The following STAG1 variants were observed in gnomAD, a reference collection of about 807,000 sequenced individuals.
STAG1 encodes the protein STAG1 cohesin complex component.
In STAG1, 26 loss-of-function variants were observed where a neutral mutation model predicts 170.9. The observed-to-expected ratio is 0.15, with a 90% CI of 0.11 to 0.21. The LOEUF (loss-of-function observed/expected upper bound fraction) is 0.21. STAG1 is among the 10% of genes least tolerant of loss of function. The pLI, the probability that STAG1 is intolerant of heterozygous loss-of-function variation, is 1.00. For synonymous variants in STAG1, 514 were observed against 497.7 expected (o/e 1.03, Z -0.44); for missense variants, 964 against 1,509.5 (o/e 0.64, Z 5.99).
chr3:136,575,323 C>T (rs979688694), intron 4 of STAG1, among the ~76,000 whole-genome samples: 10 of 152,176 alleles, frequency 6.6e-5, no homozygotes, highest in Non-Finnish European at 1.5e-4. Context: ...CTCCCAGGCT[C>T]AAGCTATCCT....
At chr3:136,652,797 G>T (rs1941259089) in intron 1 of STAG1, among the ~76,000 whole-genome samples, 1 of 152,132 alleles carries the variant, frequency 6.6e-6, no homozygotes, top group Admixed American at 6.5e-5. Flanking sequence ...AATACCTCAA[G>T]AATAGGGTTT....
At chr3:136,443,705 G>A (rs1212199910) in intron 14 of STAG1, among the ~76,000 whole-genome samples, 5 of 152,124 alleles carry the variant, frequency 3.3e-5, no homozygotes, top group Non-Finnish European at 7.4e-5. Flanking sequence ...TTATATGCTG[G>A]ATCTAGGTCA....
chr3:136,523,986 T>C (rs1434008383), intron 6 of STAG1, among the ~76,000 whole-genome samples: 1 of 152,184 alleles, frequency 6.6e-6, no homozygotes, highest in East Asian at 1.9e-4. Flanking sequence ...CATGCTGTTT[T>C]GGTTACTGTA....
chr3:136,419,536 C>A (rs1394282564), intron 20 of STAG1, among the ~76,000 whole-genome samples: 1 of 151,844 alleles, frequency 6.6e-6, no homozygotes, highest in African/African-American at 2.4e-5. Flanking sequence ...TCTCTGCCTC[C>A]TGGGTTCAAG....
At chr3:136,347,627 C>T (rs919789484) in intron 29 of STAG1, among the ~76,000 whole-genome samples, 1 of 151,960 alleles carries the variant, frequency 6.6e-6, no homozygotes, top group African/African-American at 2.4e-5. Context: ...AATATAGATG[C>T]TTTGAGCTGG....
intron 13 of STAG1, among the ~76,000 whole-genome samples, chr3:136,462,658 A>G: frequency 1.3e-5 from 2 of 152,324 alleles, no homozygotes; most frequent in Middle Eastern, 3.4e-3. Context: ...AATATTTATT[A>G]ATAGAAGATT....
intron 12 of STAG1, among the ~76,000 whole-genome samples, chr3:136,471,893 A>G (rs957161692): frequency 6.6e-6 from 1 of 152,174 alleles, no homozygotes. Flanking sequence ...GCTGGAATGC[A>G]GTGGCTCCAT....
intron 9 of STAG1, among the ~76,000 whole-genome samples, chr3:136,496,554 T>TG (rs1246422376): frequency 4.6e-5 from 7 of 152,116 alleles, no homozygotes. Context: ...AAATAATCCA[T>TG]GGGTGAAACA....
chr3:136,675,209 GA>G (rs1942095287), intron 1 of STAG1, among the ~76,000 whole-genome samples: 2 of 152,134 alleles, frequency 1.3e-5, no homozygotes, highest in Non-Finnish European at 2.9e-5. Context: ...TCAACTTCCA[GA>G]AAAGAGTGAC....
At chr3:136,541,079 T>C (rs908729223) in intron 6 of STAG1, among the ~76,000 whole-genome samples, 5 of 152,198 alleles carry the variant, frequency 3.3e-5, no homozygotes, top group African/African-American at 1.2e-4. Flanking sequence ...AATCACCTGA[T>C]GAACTTTCAA....
intron 4 of STAG1, among the ~76,000 whole-genome samples, chr3:136,582,802 AAAAT>A (rs1937619640): frequency 6.6e-6 from 1 of 152,212 alleles, no homozygotes; most frequent in South Asian, 2.1e-4. Context: ...CCATGTCAAA[AAAAT>A]AAATAAATAA....
intron 1 of STAG1, among the ~76,000 whole-genome samples, chr3:136,731,580 A>G (rs2107940463): frequency 6.6e-6 from 1 of 152,356 alleles, no homozygotes; most frequent in African/African-American, 2.4e-5. Flanking sequence ...TAAGCCTATC[A>G]AGTAAAGATT....
At chr3:136,442,055 G>A (rs1354692773) in intron 15 of STAG1, among the ~76,000 whole-genome samples, 3 of 152,130 alleles carry the variant, frequency 2.0e-5, no homozygotes, top group Non-Finnish European at 4.4e-5. Flanking sequence ...AAAATTAGCT[G>A]GGCATGATGG....
intron 22 of STAG1, among the ~76,000 whole-genome samples, chr3:136,385,395 G>A (rs910818732): frequency 5.3e-5 from 8 of 152,210 alleles, no homozygotes; most frequent in East Asian, 1.9e-4. Context: ...AGCCATGACC[G>A]TGCCACTGCA....
chr3:136,484,043 AG>A (rs1156886570), intron 9 of STAG1, among the ~76,000 whole-genome samples: 14 of 110,938 alleles, frequency 1.3e-4, no homozygotes. Context: ...CGTAGCTCAG[AG>A]TAATTTGATC....
At chr3:136,491,970 G>GAGAC (rs1295602894) in intron 9 of STAG1, among the ~76,000 whole-genome samples, 1 of 152,150 alleles carries the variant, frequency 6.6e-6, no homozygotes, top group Non-Finnish European at 1.5e-5. Context: ...TCCAGCCTGG[G>GAGAC]AGACAGAGCA....
At chr3:136,747,878 A>C (rs1414116029) in intron 1 of STAG1, among the ~76,000 whole-genome samples, 1 of 148,902 alleles carries the variant, frequency 6.7e-6, no homozygotes, top group African/African-American at 2.5e-5. Context: ...CCGGGTTCAC[A>C]CCATTCTCCT....
intron 6 of STAG1, among the ~76,000 whole-genome samples, chr3:136,521,937 T>C (rs909900347): frequency 1.3e-5 from 2 of 152,222 alleles, no homozygotes; most frequent in African/African-American, 4.8e-5. Flanking sequence ...CAAATTTTAC[T>C]ATGAACTTCA....
intron 5 of STAG1, 144 bp downstream of exon 5, chr3:136,568,621 C>A: frequency 1.5e-6 from 1 of 677,232 alleles, no homozygotes; most frequent in Admixed American, 2.8e-5. Context: ...ATATAACTTA[C>A]CAATAATATT....
Sources: gnomAD v4.1 joint callset for allele counts (sites outside exome capture counted in the v4.1 genomes callset) on GRCh38, gnomAD v4.1.1 for gene constraint, MANE v1.5 for transcripts, NCBI Gene and HGNC (gene_info 2026-07-23, HGNC 2026-07-21) for gene names.